Variants in DROSHA observed in about 807,000 individuals in gnomAD.
DROSHA encodes drosha ribonuclease III, also known as ribonuclease 3.
DROSHA carries 56 observed loss-of-function variants against 181.9 expected under a neutral mutation model. The observed-to-expected ratio is 0.31, with a 90% CI of 0.25 to 0.38. The LOEUF is 0.38. Among genes scored for constraint, DROSHA ranks in the 10% least tolerant of loss-of-function variants. DROSHA has a pLI of 1.00. For missense variants in DROSHA, 1,218 were observed against 1,743.5 expected, an observed-to-expected ratio of 0.70 and a Z score of 5.37; for synonymous variants, 524 against 591.2, an observed-to-expected ratio of 0.89 and a Z score of 1.65.
chr5:31,441,452 T>C (rs998213092), intron 23 of DROSHA, among the ~76,000 whole-genome samples: 8 of 152,190 alleles, frequency 5.3e-5, no homozygotes, highest in African/African-American at 1.9e-4. Context: ...TTTCTTATTT[T>C]TACCAAATAT....
chr5:31,459,879 G>A (rs1298253922), intron 20 of DROSHA, among the ~76,000 whole-genome samples: 2 of 152,180 alleles, frequency 1.3e-5, no homozygotes, highest in East Asian at 3.8e-4. Flanking sequence ...CAGTTCTCCA[G>A]GCACCTGTGC....
In DROSHA at chr5:31,526,851, T is replaced by C. The variant is rs1561302087; in HGVS notation, c.82A>G (p.Arg28Gly). Reference sequence around the variant, plus strand: ...GGCCTAAAGGATGGTGCTGAGGGTCTGGCTCCATGTCCTCCTCGTCCTCGG... The same window carrying C: ...GGCCTAAAGGATGGTGCTGAGGGTCCGGCTCCATGTCCTCCTCGTCCTCGG... ...CPRGRGGHGA[R>G]PSAPSFRPQN... The change falls in exon 5 of 36, where the codon AGA (arginine) becomes GGA (glycine). Residue 28 changes from arginine (R) to glycine (G), a missense_variant. Physicochemically the swap from Arg to Gly is moderately radical, Grantham distance 125. This residue lies in a region of DROSHA where 536 missense variants were observed against 535.4 expected (regional missense o/e 1.00). Transcript: ENST00000344624. 1 of 1,613,462 alleles carries C rather than the reference T, an allele frequency of 6.2e-7. No individual in the cohort carries two copies. The highest frequency in any genetic ancestry group is 2.2e-5 in the East Asian group (1 of 44,874).
intron 9 of DROSHA, among the ~76,000 whole-genome samples, chr5:31,509,423 T>C (rs1738399376): frequency 1.3e-5 from 2 of 152,158 alleles, no homozygotes; most frequent in African/African-American, 4.8e-5. Flanking sequence ...AAGGGCAGTT[T>C]CACTGGGATC....
chr5:31,464,383 T>C (rs781483752), intron 19 of DROSHA, 40 bp from the exon 20 acceptor site: 1 of 1,577,228 alleles, frequency 6.3e-7, no homozygotes, highest in African/African-American at 1.3e-5. Flanking sequence ...ACAACTGCTA[T>C]AAAGCAATAG....
At chr5:31,507,039 G>C (rs1195523867) in intron 10 of DROSHA, among the ~76,000 whole-genome samples, 1 of 152,196 alleles carries the variant, frequency 6.6e-6, no homozygotes, top group Non-Finnish European at 1.5e-5. Flanking sequence ...AGAGGGCCAG[G>C]CGCAGTGGCT....
rs747258421 is a variant in DROSHA at position 31,422,829 on chromosome 5, C to T, written c.3377G>A (p.Arg1126Lys). 3 of 1,613,666 alleles carry T rather than the reference C, an allele frequency of 1.9e-6. No individual in the cohort carries two copies. Among genetic ancestry groups the T allele is most frequent in the African/African-American group, 2.7e-5 (2 of 74,918 alleles). ...TCCCACAGTTCTCAATGTGAATGCC[C>T]TTGCCAGAAGTCGAACATGAGTAAA... ...VIFTHVRLLA[R>K]AFTLRTVGFN... The change falls in exon 29 of 36, where the codon AGG (arginine) becomes AAG (lysine). Residue 1126 changes from arginine (R) to lysine (K), a missense_variant. This residue lies in a region of DROSHA where 23 missense variants were observed against 90.6 expected (regional missense o/e 0.25). Transcript: ENST00000344624.
At chr5:31,497,919 T>A (rs781065971) in intron 11 of DROSHA, among the ~76,000 whole-genome samples, 1 of 152,214 alleles carries the variant, frequency 6.6e-6, no homozygotes, top group Admixed American at 6.5e-5. Flanking sequence ...AGGCCAGATA[T>A]AGCCAGGGAC....
chr5:31,433,738 G>A (rs564705995), intron 25 of DROSHA, among the ~76,000 whole-genome samples: 238 of 152,114 alleles, frequency 1.6e-3, no homozygotes, highest in Admixed American at 4.2e-3. Flanking sequence ...AGTAGAGATG[G>A]GGTTTCACCA....
chr5:31,489,876 T>TTTTTTCTTTCTC (rs1554040154), intron 13 of DROSHA, among the ~76,000 whole-genome samples: 1 of 151,740 alleles, frequency 6.6e-6, no homozygotes, highest in African/African-American at 2.4e-5. Context: ...ACCTTACATT[T>TTTTTTCTTTCTC]TTTTTCTTTT....
At chr5:31,502,333 C>T (rs1753661785) in intron 11 of DROSHA, among the ~76,000 whole-genome samples, 1 of 152,182 alleles carries the variant, frequency 6.6e-6, no homozygotes, top group South Asian at 2.1e-4. Context: ...CTGTTGCAGG[C>T]CACATTGGGA....
chr5:31,483,463 G>A, intron 16 of DROSHA, 91 bp downstream of exon 16: 1 of 1,264,536 alleles, frequency 7.9e-7, no homozygotes, highest in Non-Finnish European at 1.1e-6. Context: ...ATCGAAGGTG[G>A]GAAAGTTGTC....
Position 31,401,049 on chromosome 5 carries a change from ACAGT to A in DROSHA, c.*379_*382del, listed in dbSNP as rs1739948598. The A allele has an allele frequency of 7.9e-6, 2 of 252,764 alleles. No homozygotes were observed. The highest frequency in any genetic ancestry group is 1.6e-5 in the Non-Finnish European group (2 of 127,348). 15.7% of individuals were successfully genotyped at this position (252,764 alleles called of 1,614,324 possible). ...GAAAAAGGATAGATGTTACTAGAGC[ACAGT>A]CAAAATGTCTAGTAAAGTCAATTTT... On this transcript the variant is annotated 3_prime_UTR_variant, in exon 36 of 36. Transcript: ENST00000344624.
chr5:31,402,026 GA>G (rs1364649210), intron 35 of DROSHA, among the ~76,000 whole-genome samples: 1 of 152,180 alleles, frequency 6.6e-6, no homozygotes, highest in Non-Finnish European at 1.5e-5. Context: ...TAAAGATTCA[GA>G]AAAGAGCAAA....
chr5:31,451,955 C>G (rs1408362355), intron 20 of DROSHA, among the ~76,000 whole-genome samples: 1 of 152,150 alleles, frequency 6.6e-6, no homozygotes, highest in East Asian at 1.9e-4. Flanking sequence ...ATAAATATAC[C>G]TACTTCCGAG....
rs1362202298 is a variant in DROSHA at position 31,514,741 on chromosome 5, A to G, written c.1290+247T>C. 1.3e-5 allele frequency among the ~76,000 whole-genome samples: 2 copies of G among 152,224 alleles called. No individual in the cohort carries two copies. Among genetic ancestry groups the G allele is most frequent in the Non-Finnish European group, 2.9e-5 (2 of 68,034 alleles). On this transcript the variant is annotated intron_variant, in intron 8 of 35. Transcript: ENST00000344624. This position sits in a 1 kb window ranked among gnomAD's most constrained non-coding sequence, Gnocchi z 4.4. ...TTTTAAAACGGCTTTTGTCTGTAACAGTGATTCTCAACTGGGGGTGATCTT... is the reference window on the plus strand; with the variant it reads ...TTTTAAAACGGCTTTTGTCTGTAACGGTGATTCTCAACTGGGGGTGATCTT...
chr5:31,518,139 G>A (rs1205706427), intron 6 of DROSHA, among the ~76,000 whole-genome samples: 1 of 134,986 alleles, frequency 7.4e-6, no homozygotes, highest in African/African-American at 2.6e-5. Context: ...CTACAAACCT[G>A]TACAACATGT....
intron 20 of DROSHA, among the ~76,000 whole-genome samples, chr5:31,456,650 A>G (rs1053392617): frequency 2.6e-5 from 4 of 152,216 alleles, no homozygotes; most frequent in Non-Finnish European, 5.9e-5. Context: ...AATGGATTTC[A>G]TAGTAACCAC....
intron 16 of DROSHA, among the ~76,000 whole-genome samples, chr5:31,480,964 T>C (rs1580241814): frequency 6.6e-6 from 1 of 152,338 alleles, no homozygotes; most frequent in South Asian, 2.1e-4. Flanking sequence ...TTTGGCACTA[T>C]ATATCACAAT....
rs1262571972 is a variant in DROSHA at position 31,411,930 on chromosome 5, A to G, written c.3526-1043T>C. On this transcript the variant is annotated intron_variant, in intron 30 of 35. Coordinates refer to ENST00000344624, the MANE Select transcript of DROSHA (RefSeq NM_001382508.1). The surrounding 1 kb of genome is among the most constrained non-coding windows in gnomAD (Gnocchi z 4.2). ...GCGTGAGCCACTGCGCCCAGCCCAT[A>G]CTGGTATCCTTTGTCTCTAATCAAA... 1.3e-5 allele frequency among the ~76,000 whole-genome samples: 2 copies of G among 152,228 alleles called. No homozygotes were observed. The highest frequency in any genetic ancestry group is 2.4e-5 in the African/African-American group (1 of 41,464).
Sources: allele counts gnomAD v4.1 joint callset (sites outside exome capture counted in the v4.1 genomes callset), GRCh38; gene constraint gnomAD v4.1.1; regional missense constraint gnomAD v4.1.1; non-coding constraint Gnocchi (gnomAD v3.1); transcripts MANE v1.5; gene names NCBI Gene and HGNC (gene_info 2026-07-23, HGNC 2026-07-21).